Variants in DEGS2 observed in about 807,000 individuals in gnomAD.
DEGS2 encodes delta 4-desaturase, sphingolipid 2.
DEGS2 carries 19 observed loss-of-function variants against 23.8 expected under a neutral mutation model. The observed-to-expected ratio is 0.80, with a 90% CI of 0.56 to 1.17. DEGS2 has a LOEUF of 1.17. Among genes scored for constraint, DEGS2 ranks in the 50% most tolerant of loss-of-function variants. The pLI is 0.00. For synonymous variants in DEGS2, 218 were observed against 213.7 expected, an observed-to-expected ratio of 1.02 and a Z score of -0.18; for missense variants, 390 against 459.5, an observed-to-expected ratio of 0.85 and a Z score of 1.38.
Position 100,144,926 on chromosome 14 carries a change from T to G in DEGS2, c.*1835A>C, listed in dbSNP as rs1889410080. ...CCTAGCACACTGCACGTTGTTGGGCTTCCCGGCAGCCCTAGCAACAGGAAT... is the reference window on the plus strand; with the variant it reads ...CCTAGCACACTGCACGTTGTTGGGCGTCCCGGCAGCCCTAGCAACAGGAAT... On this transcript the variant is annotated 3_prime_UTR_variant, in exon 3 of 3. Transcript: ENST00000305631. The G allele has an allele frequency of 6.6e-6, 1 of 152,276 alleles. No homozygotes were observed. Among genetic ancestry groups the G allele is most frequent in the Non-Finnish European group, 1.5e-5 (1 of 68,072 alleles). The allele number at this position is 152,276 out of a possible 1,614,324, so 9.4% of individuals were successfully genotyped here.
intron 1 of DEGS2, among the ~76,000 whole-genome samples, chr14:100,159,265 G>A (rs2140426703): frequency 6.6e-6 from 1 of 152,326 alleles, no homozygotes; most frequent in Non-Finnish European, 1.5e-5. Flanking sequence ...GCGCTCCCTG[G>A]CGCTCGGACC....
intron 2 of DEGS2, among the ~76,000 whole-genome samples, chr14:100,147,397 A>G (rs1239984002): frequency 6.6e-6 from 1 of 152,132 alleles, no homozygotes; most frequent in Non-Finnish European, 1.5e-5. Context: ...GAGTCCTACC[A>G]GGCCACAGTG....
upstream of DEGS2, among the ~76,000 whole-genome samples, chr14:100,161,259 C>CAT (rs1889743110): frequency 6.6e-6 from 1 of 152,242 alleles, no homozygotes; most frequent in Non-Finnish European, 1.5e-5. Flanking sequence ...CCCTCTGCCC[C>CAT]AGGCCACCGC....
chr14:100,157,574 G>A (rs1475620585), intron 1 of DEGS2, among the ~76,000 whole-genome samples: 1 of 152,218 alleles, frequency 6.6e-6, no homozygotes, highest in Non-Finnish European at 1.5e-5. Context: ...ACAGCATACG[G>A]GAGGCAGCTA....
rs149922542 is a variant in DEGS2, at chr14:100,149,354, G to A, written c.439C>T (p.Arg147Cys). ...GTGCAGAAGAACCAGCCCTCCAGACGCGTGGGCACGTCCACGTCCAGCCCG... is the reference window on the plus strand; with the variant it reads ...GTGCAGAAGAACCAGCCCTCCAGACACGTGGGCACGTCCACGTCCAGCCCG... Reference protein sequence around the residue: ...GDGLDVDVPTRLEGWFFCTPA... With the variant: ...GDGLDVDVPTCLEGWFFCTPA... The change falls in exon 2 of 3, where the codon CGT becomes TGT. Residue 147 changes from arginine to cysteine, a missense_variant. Transcript: ENST00000305631. 13 of 1,609,142 alleles carry A rather than the reference G, an allele frequency of 8.1e-6. No individual in the cohort carries two copies. The East Asian group carries it at 1.1e-4, about 14-fold the overall frequency.
At chr14:100,147,690 C>T (rs957848304) in intron 2 of DEGS2, among the ~76,000 whole-genome samples, 17 of 149,740 alleles carry the variant, frequency 1.1e-4, no homozygotes, top group African/African-American at 4.2e-4. Flanking sequence ...TTCCTGCCCC[C>T]TCTTTGCCCT....
intron 1 of DEGS2, among the ~76,000 whole-genome samples, chr14:100,153,516 G>A (rs1445808582): frequency 6.6e-6 from 1 of 152,164 alleles, no homozygotes; most frequent in Admixed American, 6.5e-5. Flanking sequence ...GACAGGGAGA[G>A]ACACAGCTCC....
At chr14:100,148,263 C>G (rs894641739) in intron 2 of DEGS2, among the ~76,000 whole-genome samples, 1 of 152,244 alleles carries the variant, frequency 6.6e-6, no homozygotes, top group African/African-American at 2.4e-5. Context: ...TGCTCACACA[C>G]AGACACGTGC....
In DEGS2 at chr14:100,146,722, G is replaced by A. The variant is rs546283440; in HGVS notation, c.*39C>T. 8 of 1,606,644 alleles carry A rather than the reference G, an allele frequency of 5.0e-6. No individual in the cohort carries two copies. Among genetic ancestry groups the A allele is most frequent in the South Asian group, 3.3e-5 (3 of 90,088 alleles). On this transcript the variant is annotated 3_prime_UTR_variant, in exon 3 of 3. Coordinates refer to ENST00000305631, the MANE Select transcript of DEGS2 (RefSeq NM_206918.3). Reference sequence around the variant, plus strand: ...TGCTGGGGTGCAAGGCTGAGGGGCCGATGGGGGACAATGGCCACCACCAGG... The same window carrying A: ...TGCTGGGGTGCAAGGCTGAGGGGCCAATGGGGGACAATGGCCACCACCAGG...
chr14:100,156,772 G>A (rs552390251), intron 1 of DEGS2, among the ~76,000 whole-genome samples: 4 of 152,354 alleles, frequency 2.6e-5, no homozygotes, highest in Middle Eastern at 3.4e-3. Context: ...TGAACTGAGC[G>A]AGCAAGGCTA....
chr14:100,161,236 A>T (rs1027401490), upstream of DEGS2, among the ~76,000 whole-genome samples: 2 of 152,234 alleles, frequency 1.3e-5, no homozygotes, highest in Non-Finnish European at 2.9e-5. Flanking sequence ...GGACAACACC[A>T]AGCCTGCCAG....
chr14:100,156,825 CT>C (rs1413696455), intron 1 of DEGS2, among the ~76,000 whole-genome samples: 5 of 41,892 alleles, frequency 1.2e-4, no homozygotes, highest in African/African-American at 1.7e-4. Flanking sequence ...GGACATTCAC[CT>C]GGGGGAACAG....
At chr14:100,164,423 G>A (rs1004105922), upstream of DEGS2, among the ~76,000 whole-genome samples, 3 of 151,670 alleles carry the variant, frequency 2.0e-5, no homozygotes, top group African/African-American at 4.8e-5. Flanking sequence ...ATTGCTTGAG[G>A]CCAGGAGTTC....
chr14:100,154,582 A>C (rs1889629064), intron 1 of DEGS2, among the ~76,000 whole-genome samples: 1 of 152,232 alleles, frequency 6.6e-6, no homozygotes, highest in African/African-American at 2.4e-5. Context: ...ACGTCTGCAC[A>C]CTTATACCAG....
chr14:100,146,760 C>A lies in DEGS2; in HGVS notation c.*1G>T. On this transcript the variant is annotated 3_prime_UTR_variant, in exon 3 of 3. Transcript: ENST00000305631. ...GGCCACCACCAGGAGGCAGCCCGGG[C>A]TCACAGACCATCTTTTGCCAGCCTG... 1 of 1,613,024 alleles carries A rather than the reference C, an allele frequency of 6.2e-7. No individual in the cohort carries two copies.
chr14:100,146,689 CT>C lies in DEGS2; in HGVS notation c.*71del. ...TCCAGAGCACAGGAAGGAAATGTAG[CT>C]TCTCAGTGCTGGGGTGCAAGGCTGA... On this transcript the variant is annotated 3_prime_UTR_variant, in exon 3 of 3. Transcript: ENST00000305631. 1 of 1,564,636 alleles carries C rather than the reference CT, an allele frequency of 6.4e-7. No individual in the cohort carries two copies. Among genetic ancestry groups the C allele is most frequent in the Admixed American group, 1.9e-5 (1 of 53,962 alleles).
At chr14:100,152,155 G>A (rs12884012) in intron 1 of DEGS2, among the ~76,000 whole-genome samples, 41,267 of 152,030 alleles carry the variant, frequency 0.27, 6,162 homozygotes, top group South Asian at 0.42. Flanking sequence ...GGCACAGCCC[G>A]AGGCAAGGCG....
intron 1 of DEGS2, among the ~76,000 whole-genome samples, chr14:100,159,035 C>T (rs1889704527): frequency 6.6e-6 from 1 of 152,256 alleles, no homozygotes; most frequent in Admixed American, 6.5e-5. Flanking sequence ...CCGCCCTGAA[C>T]TCCAGCCTGG....
Position 100,151,695 on chromosome 14 carries a change from G to A in DEGS2, c.83-1985C>T, listed in dbSNP as rs140256045. On this transcript the variant is annotated intron_variant, in intron 1 of 2. Transcript: ENST00000305631. ...GCTTTGCACCCAAGGAGTTCCAGAGGTGGCACAGGCTGGGAGTCCCAACCC... is the reference window on the plus strand; with the variant it reads ...GCTTTGCACCCAAGGAGTTCCAGAGATGGCACAGGCTGGGAGTCCCAACCC... Among the ~76,000 whole-genome samples the A allele has an allele frequency of 5.1e-4, 77 of 152,318 alleles. 1 individual carries two copies. Among genetic ancestry groups the A allele is most frequent in the Middle Eastern group, 6.8e-3 (2 of 294 alleles).
Sources: allele counts gnomAD v4.1 joint callset (sites outside exome capture counted in the v4.1 genomes callset), GRCh38; gene constraint gnomAD v4.1.1; transcripts MANE v1.5; gene names NCBI Gene and HGNC (gene_info 2026-07-23, HGNC 2026-07-21).